The following DCC variants were observed in gnomAD, a reference collection of about 807,000 sequenced individuals.
DCC encodes netrin receptor DCC.
In DCC, 58 loss-of-function variants were observed where a neutral mutation model predicts 172.5. That is an observed-to-expected ratio of 0.34 (90% CI 0.27 to 0.42). The LOEUF (loss-of-function observed/expected upper bound fraction) is 0.42, where lower values mean the gene tolerates loss of function less well. Ranked by LOEUF, DCC falls within the 10% of genes least tolerant of loss-of-function variation. The pLI, the probability that DCC is intolerant of heterozygous loss-of-function variation, is 1.00. For missense variants in DCC, 1,740 were observed against 1,791.0 expected (o/e 0.97, Z 0.51); for synonymous variants, 709 against 644.5 (o/e 1.10, Z -1.52).
At chr18:52,399,582 A>T (rs1986359942) in intron 1 of DCC, among the ~76,000 whole-genome samples, 1 of 151,908 alleles carries the variant, frequency 6.6e-6, no homozygotes, top group South Asian at 2.1e-4. Flanking sequence ...TTAGAGTCAC[A>T]TCTGGCTTTT....
chr18:53,344,260 C>A (rs770314604), intron 15 of DCC, among the ~76,000 whole-genome samples: 2 of 151,852 alleles, frequency 1.3e-5, no homozygotes, highest in Non-Finnish European at 2.9e-5. Flanking sequence ...ATTTTACTTG[C>A]ATTCCACAAA....
In DCC at chr18:53,524,562, A is replaced by G. The variant is rs544741664; in HGVS notation, c.4112-2055A>G. On this transcript the variant is annotated intron_variant, in intron 27 of 28. Transcript: ENST00000442544. ...CTTATAGCAAGTTTTATGTTTGTAT[A>G]TATTTTAAAAATATTGGAATACAGT... Among the ~76,000 whole-genome samples, 12 of 152,236 alleles carry G rather than the reference A, an allele frequency of 7.9e-5. No homozygotes were observed. In the South Asian group the frequency reaches 1.5e-3, roughly 18 times the overall value.
chr18:53,517,008 T>C (rs1258145489), intron 27 of DCC, among the ~76,000 whole-genome samples: 2 of 145,608 alleles, frequency 1.4e-5, no homozygotes, highest in African/African-American at 2.7e-5. Context: ...CATATGTTTA[T>C]TGCGGCATTA....
At chr18:52,680,673 G>A (rs2035733438) in intron 1 of DCC, among the ~76,000 whole-genome samples, 1 of 152,114 alleles carries the variant, frequency 6.6e-6, no homozygotes, top group Non-Finnish European at 1.5e-5. Flanking sequence ...TGCAAACCCA[G>A]TAAATGTTGA....
intron 5 of DCC, among the ~76,000 whole-genome samples, chr18:53,006,799 G>GT (rs1310423745): frequency 6.6e-6 from 1 of 152,176 alleles, no homozygotes; most frequent in Admixed American, 6.5e-5. Flanking sequence ...GTTCCGCTGA[G>GT]TAGAGTACTT....
intron 1 of DCC, among the ~76,000 whole-genome samples, chr18:52,547,903 G>A (rs537119413): frequency 4.6e-5 from 7 of 152,154 alleles, no homozygotes; most frequent in African/African-American, 1.7e-4. Flanking sequence ...TAGCCCAAAA[G>A]CCCAAAAGCA....
intron 1 of DCC, among the ~76,000 whole-genome samples, chr18:52,656,070 GTGTATATATA>G (rs2035245397): frequency 7.3e-6 from 1 of 136,562 alleles, no homozygotes; most frequent in South Asian, 2.3e-4. Context: ...GTATATATAT[GTGTATATATA>G]TGTGTGTGTG....
At position 53,059,503 on chromosome 18, in the gene DCC, C is replaced by A. The variant is rs182859994; in HGVS notation, c.986-3802C>A. ...AGCTTTAACCTAATTCCTAATCCAA[C>A]CCAAGCCTGTATGTTTAGACCTTTT... On this transcript the variant is annotated intron_variant, in intron 5 of 28. Transcript: ENST00000442544. Among the ~76,000 whole-genome samples the A allele has an allele frequency of 5.3e-5, 8 of 152,180 alleles. No individual in the cohort carries two copies. In the East Asian group the frequency reaches 1.5e-3, roughly 29 times the overall value.
At chr18:53,360,548 A>T (rs2057934666) in intron 15 of DCC, among the ~76,000 whole-genome samples, 1 of 152,168 alleles carries the variant, frequency 6.6e-6, no homozygotes, top group Admixed American at 6.6e-5. Flanking sequence ...TGAGAAAAAA[A>T]AGTGGCCATA....
intron 1 of DCC, among the ~76,000 whole-genome samples, chr18:52,703,752 C>T (rs1174625699): frequency 6.7e-6 from 1 of 149,582 alleles, no homozygotes; most frequent in Middle Eastern, 3.4e-3. Flanking sequence ...AAAATGTGCT[C>T]AGGTAACATG....
intron 2 of DCC, among the ~76,000 whole-genome samples, chr18:52,871,134 G>C (rs774445419): frequency 1.3e-5 from 2 of 152,114 alleles, no homozygotes; most frequent in African/African-American, 4.8e-5. Flanking sequence ...AGGACAAAAA[G>C]TGTGCTGCTT....
chr18:53,475,379 C>T (rs956975596), intron 25 of DCC, among the ~76,000 whole-genome samples: 1 of 152,160 alleles, frequency 6.6e-6, no homozygotes, highest in African/African-American at 2.4e-5. Flanking sequence ...CACATCATGG[C>T]CCTGGAGGCC....
intron 1 of DCC, among the ~76,000 whole-genome samples, chr18:52,381,085 G>C (rs576573222): frequency 6.6e-6 from 1 of 152,072 alleles, no homozygotes; most frequent in South Asian, 2.1e-4. Context: ...GAAAAAGGGG[G>C]GCACTAATTA....
At chr18:52,729,687 A>C (rs934407497) in intron 1 of DCC, among the ~76,000 whole-genome samples, 1 of 152,218 alleles carries the variant, frequency 6.6e-6, no homozygotes, top group African/African-American at 2.4e-5. Flanking sequence ...AAGTCAGTGA[A>C]AGAAATATTT....
intron 15 of DCC, among the ~76,000 whole-genome samples, chr18:53,349,551 G>A (rs11876936): frequency 0.51 from 78,034 of 152,010 alleles, 20,674 homozygotes; most frequent in Non-Finnish European, 0.55. Flanking sequence ...CACACTGCTT[G>A]TAAGACATAC....
intron 10 of DCC, 98 bp downstream of exon 10, chr18:53,205,462 C>T: frequency 1.8e-6 from 2 of 1,137,860 alleles, no homozygotes; most frequent in Non-Finnish European, 2.7e-6. Context: ...CTCGCAAACT[C>T]TTGAAACAGC....
chr18:52,741,065 T>C (rs4416120), intron 1 of DCC, among the ~76,000 whole-genome samples: 145,411 of 152,262 alleles, frequency 0.96, 69,673 homozygotes, highest in Non-Finnish European at 1. Context: ...CTCCTGACCC[T>C]TGTGCTGGGA....
intron 24 of DCC, among the ~76,000 whole-genome samples, chr18:53,460,356 G>A (rs907706831): frequency 8.0e-6 from 1 of 125,546 alleles, no homozygotes; most frequent in African/African-American, 3.0e-5. Flanking sequence ...ACGTATACAT[G>A]TGCCATGCTG....
chr18:52,950,844 G>T (rs1317019730), intron 5 of DCC, among the ~76,000 whole-genome samples: 1 of 145,282 alleles, frequency 6.9e-6, no homozygotes, highest in African/African-American at 2.5e-5. Flanking sequence ...AGAATGGCGT[G>T]AACCCGGGAG....
Sources: allele counts gnomAD v4.1 joint callset (sites outside exome capture counted in the v4.1 genomes callset), GRCh38; gene constraint gnomAD v4.1.1; transcripts MANE v1.5; gene names NCBI Gene and HGNC (gene_info 2026-07-23, HGNC 2026-07-21).